The following ST8SIA6 variants were observed in gnomAD, a reference collection of about 807,000 sequenced individuals.
ST8SIA6 encodes the protein alpha-2,8-sialyltransferase 8F.
In ST8SIA6, 39 loss-of-function variants were observed where a neutral mutation model predicts 33.6. That is an observed-to-expected ratio of 1.16 (90% CI 0.90 to 1.52). ST8SIA6 has a LOEUF of 1.52. Among genes scored for constraint, ST8SIA6 ranks in the 40% most tolerant of loss-of-function variants. The probability of loss-of-function intolerance (pLI) is 0.00; values close to 1 mark genes in which losing one functional copy is unlikely to be tolerated. For synonymous variants in ST8SIA6, 172 were observed against 167.2 expected (o/e 1.03, Z -0.22); for missense variants, 441 against 443.8 (o/e 0.99, Z 0.06).
rs967858644 is a variant in ST8SIA6 at position 17,350,882 on chromosome 10, G to A, written c.377+8632C>T. ...GAGTAGAGTTTGATCTTCAAACTAG[G>A]GCTCCCTCAAAAAATTGGGAAGGTG... On this transcript the variant is annotated intron_variant, in intron 4 of 7. Coordinates refer to ENST00000377602, the MANE Select transcript of ST8SIA6 (RefSeq NM_001004470.3). Among the ~76,000 whole-genome samples the A allele has an allele frequency of 7.2e-5, 11 of 152,140 alleles. No individual in the cohort carries two copies. In the South Asian group the frequency reaches 1.9e-3, roughly 26 times the overall value.
At chr10:17,343,129 T>C (rs1848727383) in intron 4 of ST8SIA6, among the ~76,000 whole-genome samples, 1 of 152,170 alleles carries the variant, frequency 6.6e-6, no homozygotes, top group Non-Finnish European at 1.5e-5. Flanking sequence ...TGCCAAGGAA[T>C]GACCCAGACC....
chr10:17,347,231 A>G lies in ST8SIA6; in HGVS notation c.377+12283T>C, dbSNP rs368208938. Among the ~76,000 whole-genome samples, 7 of 152,362 alleles carry G rather than the reference A, an allele frequency of 4.6e-5. No individual in the cohort carries two copies. The East Asian group carries it at 7.7e-4, about 17-fold the overall frequency. ...GTAGACACATACAATTAGCCATCCCAGTAACCCAGACCAGAGATGGGTGGT... is the reference window on the plus strand; with the variant it reads ...GTAGACACATACAATTAGCCATCCCGGTAACCCAGACCAGAGATGGGTGGT... On this transcript the variant is annotated intron_variant, in intron 4 of 7. Transcript: ENST00000377602.
At chr10:17,363,980 G>T (rs924340675) in intron 3 of ST8SIA6, among the ~76,000 whole-genome samples, 18 of 152,152 alleles carry the variant, frequency 1.2e-4, no homozygotes, top group African/African-American at 4.3e-4. Flanking sequence ...GAGAGGTTCT[G>T]GGTTATACAA....
chr10:17,449,640 A>G (rs1343846945), intron 2 of ST8SIA6, among the ~76,000 whole-genome samples: 2 of 152,208 alleles, frequency 1.3e-5, no homozygotes, highest in Admixed American at 1.3e-4. Flanking sequence ...TCTTACCTGG[A>G]AGACACAGCT....
At chr10:17,353,047 C>T (rs1450093029) in intron 4 of ST8SIA6, among the ~76,000 whole-genome samples, 1 of 152,060 alleles carries the variant, frequency 6.6e-6, no homozygotes, top group Non-Finnish European at 1.5e-5. Context: ...TTTAGAGGCT[C>T]AGAAAAATGA....
At chr10:17,322,002 C>T (rs563238584) in intron 7 of ST8SIA6, among the ~76,000 whole-genome samples, 2 of 151,704 alleles carry the variant, frequency 1.3e-5, no homozygotes, top group African/African-American at 4.8e-5. Flanking sequence ...ACTTGTGAGG[C>T]TGAGGTGAGA....
chr10:17,409,058 C>T (rs982144665), intron 2 of ST8SIA6, among the ~76,000 whole-genome samples: 5 of 151,922 alleles, frequency 3.3e-5, no homozygotes, highest in African/African-American at 1.2e-4. Flanking sequence ...GTTGGGATTA[C>T]AGGCGTGAGC....
intron 2 of ST8SIA6, among the ~76,000 whole-genome samples, chr10:17,422,534 C>T (rs989600532): frequency 6.6e-6 from 1 of 152,160 alleles, no homozygotes; most frequent in African/African-American, 2.4e-5. Flanking sequence ...GCAAATAGAC[C>T]TTAATAATTC....
intron 4 of ST8SIA6, among the ~76,000 whole-genome samples, chr10:17,339,883 T>C (rs1848619283): frequency 6.6e-6 from 1 of 152,244 alleles, no homozygotes. Flanking sequence ...CTATTAAATA[T>C]TGAGCTCTAT....
intron 4 of ST8SIA6, among the ~76,000 whole-genome samples, chr10:17,332,176 C>A (rs2131585851): frequency 6.6e-6 from 1 of 152,164 alleles, no homozygotes; most frequent in East Asian, 1.9e-4. Context: ...ACCATATTTT[C>A]TTTATCCAAT....
intron 5 of ST8SIA6, among the ~76,000 whole-genome samples, chr10:17,328,915 TG>T (rs1370707925): frequency 1.3e-5 from 2 of 152,122 alleles, no homozygotes; most frequent in Non-Finnish European, 2.9e-5. Context: ...TTGTCCAGGG[TG>T]GGGGTATTGA....
Position 17,367,657 on chromosome 10 carries a change from C to G in ST8SIA6, c.291-8057G>C, listed in dbSNP as rs535558699. Among the ~76,000 whole-genome samples the G allele has an allele frequency of 2.0e-5, 3 of 152,144 alleles. No homozygotes were observed. The South Asian group carries it at 6.2e-4, about 32-fold the overall frequency. ...TTCTAAAGATGAAAAAAATGATGACCCATTTTTCAAGTTTCAAGGAAATCT... is the reference window on the plus strand; with the variant it reads ...TTCTAAAGATGAAAAAAATGATGACGCATTTTTCAAGTTTCAAGGAAATCT... On this transcript the variant is annotated intron_variant, in intron 3 of 7. Transcript: ENST00000377602.
At chr10:17,368,232 CAAAAAAAAA>C (rs61426907) in intron 3 of ST8SIA6, among the ~76,000 whole-genome samples, 62 of 74,172 alleles carry the variant, frequency 8.4e-4, no homozygotes, top group Admixed American at 5.2e-3. Flanking sequence ...CCTGTCTCTA[CAAAAAAAAA>C]AAAAAAAAAA....
chr10:17,363,038 A>G (rs1849443836), intron 3 of ST8SIA6, among the ~76,000 whole-genome samples: 1 of 152,148 alleles, frequency 6.6e-6, no homozygotes, highest in South Asian at 2.1e-4. Context: ...TATAAATACA[A>G]CATGTAATGA....
chr10:17,359,224 T>C (rs1179926662), intron 4 of ST8SIA6, among the ~76,000 whole-genome samples: 1 of 152,186 alleles, frequency 6.6e-6, no homozygotes, highest in African/African-American at 2.4e-5. Flanking sequence ...TAAATGTAAA[T>C]GGTACCAAAA....
At chr10:17,440,395 G>C (rs1208827431) in intron 2 of ST8SIA6, among the ~76,000 whole-genome samples, 2 of 151,840 alleles carry the variant, frequency 1.3e-5, no homozygotes, top group Admixed American at 1.3e-4. Flanking sequence ...TAGTAGAGAC[G>C]AGGTTTCACT....
chr10:17,343,780 A>G (rs980792354), intron 4 of ST8SIA6, among the ~76,000 whole-genome samples: 4 of 152,182 alleles, frequency 2.6e-5, no homozygotes, highest in Non-Finnish European at 5.9e-5. Context: ...CGTTCTACAG[A>G]AAGTGCCCGG....
At chr10:17,413,558 TAC>T (rs1851517742) in intron 2 of ST8SIA6, 1 of 152,200 alleles carries the variant, frequency 6.6e-6, no homozygotes, top group African/African-American at 2.4e-5. Flanking sequence ...ATGGCTTACT[TAC>T]ACAGTGTCCC....
chr10:17,342,172 T>C (rs1466348317), intron 4 of ST8SIA6, among the ~76,000 whole-genome samples: 1 of 152,202 alleles, frequency 6.6e-6, no homozygotes, highest in Non-Finnish European at 1.5e-5. Flanking sequence ...AGCGGTGATG[T>C]CCATGGCCCA....
Sources: allele counts gnomAD v4.1 joint callset (sites outside exome capture counted in the v4.1 genomes callset), GRCh38; gene constraint gnomAD v4.1.1; transcripts MANE v1.5; gene names NCBI Gene and HGNC (gene_info 2026-07-23, HGNC 2026-07-21).